UBE2R2: variants seen among roughly 807,000 people sequenced by gnomAD.
UBE2R2 encodes ubiquitin-conjugating enzyme E2 R2.
In UBE2R2, 1 loss-of-function variant was observed where a neutral mutation model predicts 27.8. That is an observed-to-expected ratio of 0.04 (90% CI 0.01 to 0.17). UBE2R2 has a LOEUF of 0.17. Ranked by LOEUF, UBE2R2 falls within the 10% of genes least tolerant of loss-of-function variation. UBE2R2 has a pLI of 1.00. For synonymous variants in UBE2R2, 106 were observed against 113.3 expected (o/e 0.94, Z 0.41); for missense variants, 100 against 291.0 (o/e 0.34, Z 4.78).
intron 1 of UBE2R2, among the ~76,000 whole-genome samples, chr9:33,864,976 G>A (rs897594731): frequency 4.0e-5 from 6 of 151,804 alleles, no homozygotes; most frequent in African/African-American, 9.7e-5. Flanking sequence ...TGCCCACCTT[G>A]GCCTCCCAAA....
In UBE2R2 at chr9:33,917,934, T is replaced by C. The variant is rs1822693776; in HGVS notation, c.*697T>C. The C allele has an allele frequency of 6.5e-6, 1 of 153,734 alleles. No homozygotes were observed. Among genetic ancestry groups the C allele is most frequent in the Admixed American group, 6.5e-5 (1 of 15,276 alleles). 9.5% of individuals were successfully genotyped at this position (153,734 alleles called of 1,614,324 possible). ...TCTGAGGAGAGAAATCAGACTTTGT[T>C]TTTTGAAATCGATTGGGATCGAAAG... On this transcript the variant is annotated 3_prime_UTR_variant, in exon 5 of 5. Coordinates refer to ENST00000263228, the MANE Select transcript of UBE2R2 (RefSeq NM_017811.4).
intron 2 of UBE2R2, among the ~76,000 whole-genome samples, chr9:33,891,045 G>GTTTT (rs1821969133): frequency 2.9e-5 from 2 of 68,908 alleles, no homozygotes; most frequent in Admixed American, 1.5e-4. Flanking sequence ...TGTTGTTGTT[G>GTTTT]TGTTTTTTTG....
intron 1 of UBE2R2, among the ~76,000 whole-genome samples, chr9:33,843,561 C>T (rs1820776912): frequency 1.3e-5 from 2 of 151,932 alleles, no homozygotes; most frequent in Admixed American, 1.3e-4. Flanking sequence ...TCACTGCAAC[C>T]TCTGCCTCCT....
chr9:33,891,639 T>G (rs1324528281), intron 2 of UBE2R2, among the ~76,000 whole-genome samples: 1 of 151,918 alleles, frequency 6.6e-6, no homozygotes, highest in Admixed American at 6.6e-5. Flanking sequence ...AGAGTGAGAC[T>G]CCTGTCTCAA....
At chr9:33,829,176 G>T (rs891046306) in intron 1 of UBE2R2, among the ~76,000 whole-genome samples, 5 of 152,136 alleles carry the variant, frequency 3.3e-5, no homozygotes, top group Non-Finnish European at 4.4e-5. Flanking sequence ...CCTTTTGTCT[G>T]TTGAATCCAC....
At chr9:33,860,645 A>T (rs1821208942) in intron 1 of UBE2R2, among the ~76,000 whole-genome samples, 1 of 152,122 alleles carries the variant, frequency 6.6e-6, no homozygotes, top group Non-Finnish European at 1.5e-5. Flanking sequence ...CACACCTGTA[A>T]TCCCACCAAT....
chr9:33,815,737 C>T (rs766151524), upstream of UBE2R2, among the ~76,000 whole-genome samples: 1 of 152,166 alleles, frequency 6.6e-6, no homozygotes, highest in African/African-American at 2.4e-5. Flanking sequence ...GAGTAAGACC[C>T]TGTCTCAATA....
intron 3 of UBE2R2, among the ~76,000 whole-genome samples, chr9:33,908,178 C>G (rs1822403738): frequency 6.6e-6 from 1 of 152,224 alleles, no homozygotes; most frequent in Non-Finnish European, 1.5e-5. Flanking sequence ...AGTATTATCT[C>G]AGCAGTTTAG....
At chr9:33,853,351 G>A (rs1435748336) in intron 1 of UBE2R2, among the ~76,000 whole-genome samples, 1 of 145,198 alleles carries the variant, frequency 6.9e-6, no homozygotes, top group Non-Finnish European at 1.5e-5. Context: ...GTGCAGTGGT[G>A]CGACCTTGGC....
chr9:33,895,123 C>CT (rs1031510053), intron 2 of UBE2R2, among the ~76,000 whole-genome samples: 2 of 152,166 alleles, frequency 1.3e-5, no homozygotes, highest in Non-Finnish European at 1.5e-5. Context: ...TATAGGTTGC[C>CT]TTTTCACTTT....
At chr9:33,821,278 G>C (rs1226263456) in intron 1 of UBE2R2, among the ~76,000 whole-genome samples, 5 of 152,064 alleles carry the variant, frequency 3.3e-5, no homozygotes. Flanking sequence ...TCAGCCCCCT[G>C]AGTAGCTGGG....
intron 3 of UBE2R2, among the ~76,000 whole-genome samples, chr9:33,908,366 A>G (rs1325733232): frequency 6.6e-6 from 1 of 152,180 alleles, no homozygotes; most frequent in Admixed American, 6.5e-5. Context: ...GAATCCTTTC[A>G]GCACTTGCTT....
At chr9:33,833,116 G>C (rs1221365058) in intron 1 of UBE2R2, among the ~76,000 whole-genome samples, 1 of 152,190 alleles carries the variant, frequency 6.6e-6, no homozygotes, top group East Asian at 1.9e-4. Flanking sequence ...CCAGGCTGGA[G>C]TGCAGTGGCA....
intron 1 of UBE2R2, among the ~76,000 whole-genome samples, chr9:33,827,165 T>C (rs1305930557): frequency 6.6e-6 from 1 of 151,454 alleles, no homozygotes; most frequent in East Asian, 1.9e-4. Flanking sequence ...GCTGTTCGAA[T>C]AAAAAAAAAT....
chr9:33,869,531 C>T (rs961556098), intron 1 of UBE2R2, among the ~76,000 whole-genome samples: 4 of 151,754 alleles, frequency 2.6e-5, no homozygotes, highest in African/African-American at 9.7e-5. Flanking sequence ...ACTGCAATCT[C>T]TGAGGCCTCC....
In UBE2R2 at chr9:33,835,145, G is replaced by GTTTT. The variant is rs3060448; in HGVS notation, c.177+17228_177+17231dup. Among the ~76,000 whole-genome samples, 217 of 112,092 alleles carry GTTTT rather than the reference G, an allele frequency of 1.9e-3. 5 individuals carry two copies. Among genetic ancestry groups the GTTTT allele is most frequent in the South Asian group, 3.9e-3 (13 of 3,304 alleles). The allele number at this position is 112,092 out of a possible 152,430, so 73.5% of individuals were successfully genotyped here. A position where few individuals can be genotyped will look rare whatever the true frequency, so the allele number is the denominator to read the frequency against. Reference sequence around the variant, plus strand: ...AGAGAACATGCATGTCTAAGTGTAGGTTTTTTTTTTTTTTTTTTTTGAGAC... The same window carrying GTTTT: ...AGAGAACATGCATGTCTAAGTGTAGGTTTTTTTTTTTTTTTTTTTTTTTTGAGAC... On this transcript the variant is annotated intron_variant, in intron 1 of 4. Coordinates refer to ENST00000263228, the MANE Select transcript of UBE2R2 (RefSeq NM_017811.4).
At chr9:33,894,006 C>T (rs1822042476) in intron 2 of UBE2R2, among the ~76,000 whole-genome samples, 1 of 152,030 alleles carries the variant, frequency 6.6e-6, no homozygotes, top group African/African-American at 2.4e-5. Context: ...GCATGTGAGC[C>T]ACTGTGCCCA....
At chr9:33,872,536 C>T (rs554179085) in intron 1 of UBE2R2, among the ~76,000 whole-genome samples, 5 of 152,306 alleles carry the variant, frequency 3.3e-5, no homozygotes, top group South Asian at 2.1e-4. Context: ...CCTGTAATCC[C>T]GGCACTTTGG....
At chr9:33,895,746 T>A (rs1289633736) in intron 2 of UBE2R2, among the ~76,000 whole-genome samples, 1 of 151,034 alleles carries the variant, frequency 6.6e-6, no homozygotes, top group East Asian at 1.9e-4. Context: ...CTTCCATGAC[T>A]AGATTTATTC....
Sources: allele counts gnomAD v4.1 joint callset (sites outside exome capture counted in the v4.1 genomes callset), GRCh38; gene constraint gnomAD v4.1.1; transcripts MANE v1.5; gene names NCBI Gene and HGNC (gene_info 2026-07-23, HGNC 2026-07-21).